PRMT8: variants seen among roughly 807,000 people sequenced by gnomAD.
PRMT8 encodes the protein protein arginine methyltransferase 8.
A neutral mutation model predicts 47.1 loss-of-function variants in PRMT8; 7 were observed. That is an observed-to-expected ratio of 0.15 (90% CI 0.08 to 0.28). The LOEUF (loss-of-function observed/expected upper bound fraction) is 0.28. Among genes scored for constraint, PRMT8 ranks in the 10% least tolerant of loss-of-function variants. PRMT8 has a pLI of 1.00. For missense variants in PRMT8, 237 were observed against 505.4 expected (o/e 0.47, Z 5.09); for synonymous variants, 188 against 186.5 (o/e 1.01, Z -0.07).
In PRMT8 at chr12:3,568,932, G is replaced by A. The variant is rs192030866; in HGVS notation, c.624+84G>A. On this transcript the variant is annotated intron_variant, in intron 5 of 9. Coordinates refer to ENST00000382622, the MANE Select transcript of PRMT8 (RefSeq NM_019854.5). ...AAGGCCTGCAGCCTAGGAGGCATACGAAGACTTCAGAGAAGACTGAGGCCA... is the reference window on the plus strand; with the variant it reads ...AAGGCCTGCAGCCTAGGAGGCATACAAAGACTTCAGAGAAGACTGAGGCCA... 1.8e-3 allele frequency: 2,868 copies of A among 1,560,778 alleles called. 17 individuals are homozygous for A. Among genetic ancestry groups the A allele is most frequent in the Admixed American group, 1.5e-3 (87 of 57,906 alleles).
At chr12:3,536,879 G>A (rs1302558724) in intron 1 of PRMT8, among the ~76,000 whole-genome samples, 1 of 152,202 alleles carries the variant, frequency 6.6e-6, no homozygotes, top group East Asian at 1.9e-4. Context: ...GTGTTCTATT[G>A]TGTGGCTACA....
chr12:3,386,479 C>T (rs953179918), intron 1 of PRMT8, among the ~76,000 whole-genome samples: 1 of 152,134 alleles, frequency 6.6e-6, no homozygotes. Flanking sequence ...AACAAGTAAC[C>T]TTTCCCCAAC....
intron 1 of PRMT8, among the ~76,000 whole-genome samples, chr12:3,523,124 C>T (rs1371650893): frequency 6.6e-6 from 1 of 152,194 alleles, no homozygotes; most frequent in African/African-American, 2.4e-5. Flanking sequence ...CCAAAGGCAG[C>T]TGTCACAAGC....
At chr12:3,470,394 G>A (rs1865147372) in intron 1 of PRMT8, among the ~76,000 whole-genome samples, 1 of 152,210 alleles carries the variant, frequency 6.6e-6, no homozygotes, top group Admixed American at 6.5e-5. Context: ...GAGTCCAGGT[G>A]GAGGGAAGAG....
Position 3,513,167 on chromosome 12 carries a change from C to T in PRMT8, c.75+21467C>T, listed in dbSNP as rs192904019. On this transcript the variant is annotated intron_variant, in intron 1 of 9. Coordinates refer to ENST00000382622, the MANE Select transcript of PRMT8 (RefSeq NM_019854.5). ...TAGAGATAGAGTGAAGCTGGAAAAGCGGCGGAATCTGTAAGGAGGTATCTT... is the reference window on the plus strand; with the variant it reads ...TAGAGATAGAGTGAAGCTGGAAAAGTGGCGGAATCTGTAAGGAGGTATCTT... Among the ~76,000 whole-genome samples the T allele has an allele frequency of 3.9e-5, 6 of 152,280 alleles. No individual in the cohort carries two copies. In the South Asian group the frequency reaches 6.2e-4, roughly 16 times the overall value.
chr12:3,568,889 T>C (rs1225336784), intron 5 of PRMT8, 41 bp downstream of exon 5: 1 of 1,611,534 alleles, frequency 6.2e-7, no homozygotes. Context: ...GCCGGCTGGC[T>C]GTCCTGCTCC....
chr12:3,486,984 T>C (rs1865329097), upstream of PRMT8, among the ~76,000 whole-genome samples: 1 of 152,232 alleles, frequency 6.6e-6, no homozygotes, highest in Non-Finnish European at 1.5e-5. Flanking sequence ...TTTAAAAATA[T>C]TGGGCCTTGG....
intron 1 of PRMT8, among the ~76,000 whole-genome samples, chr12:3,399,960 C>CA (rs1591538811): frequency 6.6e-6 from 1 of 152,138 alleles, no homozygotes; most frequent in East Asian, 1.9e-4. Context: ...TGACAACTGT[C>CA]AAAATCTATT....
chr12:3,468,251 A>G (rs765583372), intron 1 of PRMT8, among the ~76,000 whole-genome samples: 30 of 152,302 alleles, frequency 2.0e-4, no homozygotes, highest in Non-Finnish European at 3.2e-4. Flanking sequence ...AATGATTCTT[A>G]CCTAGAAGAC....
At chr12:3,553,610 T>G (rs1006789239) in intron 3 of PRMT8, 41 bp from the exon 4 acceptor site, 10 of 1,528,700 alleles carry the variant, frequency 6.5e-6, no homozygotes, top group African/African-American at 2.7e-5. Flanking sequence ...TTGCTGTGAT[T>G]TTTTTTGACG....
intron 1 of PRMT8, among the ~76,000 whole-genome samples, chr12:3,481,212 A>G (rs997577101): frequency 6.6e-6 from 1 of 152,224 alleles, no homozygotes; most frequent in African/African-American, 2.4e-5. Flanking sequence ...CAGCCAGCCC[A>G]GTGCTTTCTC....
At chr12:3,470,627 G>A (rs971649833) in intron 1 of PRMT8, among the ~76,000 whole-genome samples, 2 of 151,760 alleles carry the variant, frequency 1.3e-5, no homozygotes, top group Admixed American at 1.3e-4. Context: ...CCTGGAACAG[G>A]GTCTCCAGAA....
At position 3,538,703 on chromosome 12, in the gene PRMT8, T is replaced by C. The variant is rs1334194326; in HGVS notation, c.76-1903T>C. The C allele has an allele frequency of 1.9e-6, 1 of 519,010 alleles. No homozygotes were observed. The highest frequency in any genetic ancestry group is 5.4e-5 in the East Asian group (1 of 18,356). 32.2% of individuals were successfully genotyped at this position (519,010 alleles called of 1,614,324 possible). A position where few individuals can be genotyped will look rare whatever the true frequency, so the allele number is the denominator to read the frequency against. On this transcript the variant is annotated intron_variant, in intron 1 of 9. Transcript: ENST00000382622. The surrounding 1 kb of genome is among the most constrained non-coding windows in gnomAD (Gnocchi z 4.6). ...TCATGCACGGAGCCTTCTTCAGCTT[T>C]AGAGGTGATTCTGCAGCCTGCACAG... is the stretch of plus-strand genomic sequence containing the variant.
At chr12:3,468,795 A>G (rs901349513) in intron 1 of PRMT8, among the ~76,000 whole-genome samples, 16 of 152,218 alleles carry the variant, frequency 1.1e-4, no homozygotes, top group Non-Finnish European at 1.8e-4. Flanking sequence ...ACCTGAAATA[A>G]AAGTCCCCCA....
chr12:3,583,337 C>T lies in PRMT8; in HGVS notation c.979+129C>T, dbSNP rs1867108446. 2 of 1,014,678 alleles carry T rather than the reference C, an allele frequency of 2.0e-6. No individual in the cohort carries two copies. The highest frequency in any genetic ancestry group is 1.7e-5 in the South Asian group (1 of 57,898). 62.9% of individuals were successfully genotyped at this position (1,014,678 alleles called of 1,614,324 possible). ...TGTTAGCTGGGTGACACCTATCAAC[C>T]CTCTCCAGCCATGGAGGAACCATGC... On this transcript the variant is annotated intron_variant, in intron 8 of 9. Transcript: ENST00000382622. The surrounding 1 kb of genome is among the most constrained non-coding windows in gnomAD (Gnocchi z 4.7).
intron 1 of PRMT8, among the ~76,000 whole-genome samples, chr12:3,411,840 T>C (rs1222830594): frequency 6.6e-6 from 1 of 152,220 alleles, no homozygotes; most frequent in African/African-American, 2.4e-5. Context: ...CATGTTAGAC[T>C]TCCCAGACTC....
intron 4 of PRMT8, among the ~76,000 whole-genome samples, chr12:3,561,935 C>G (rs1339240945): frequency 6.6e-6 from 1 of 152,184 alleles, no homozygotes; most frequent in Non-Finnish European, 1.5e-5. Context: ...CAGCACCTTA[C>G]AGGATCCTGA....
chr12:3,488,235 A>T (rs547926255), upstream of PRMT8, among the ~76,000 whole-genome samples: 6 of 152,296 alleles, frequency 3.9e-5, no homozygotes, highest in East Asian at 1.9e-4. Flanking sequence ...GTTCTATAAG[A>T]CTTAGCAAGT....
At chr12:3,506,571 C>G (rs1198332967) in intron 1 of PRMT8, among the ~76,000 whole-genome samples, 2 of 152,206 alleles carry the variant, frequency 1.3e-5, no homozygotes, top group African/African-American at 4.8e-5. Flanking sequence ...TCGTGACCCA[C>G]AGGCTGCCTA....
Sources: gnomAD v4.1 joint callset for allele counts (sites outside exome capture counted in the v4.1 genomes callset) on GRCh38, gnomAD v4.1.1 for gene constraint, Gnocchi (gnomAD v3.1) non-coding constraint, MANE v1.5 for transcripts, NCBI Gene and HGNC (gene_info 2026-07-23, HGNC 2026-07-21) for gene names.